Variants in HLCS observed in about 807,000 individuals in gnomAD.
HLCS encodes the protein biotin--protein ligase.
In HLCS, 53 loss-of-function variants were observed where a neutral mutation model predicts 75.0. The ratio of observed to expected loss-of-function variants is 0.71; its 90% CI spans 0.57 to 0.89. The LOEUF (loss-of-function observed/expected upper bound fraction) is 0.89, where lower values mean the gene tolerates loss of function less well. Among genes scored for constraint, HLCS ranks in the 40% least tolerant of loss-of-function variants. HLCS has a pLI of 0.00. For missense variants in HLCS, 966 were observed against 1,074.0 expected (o/e 0.90, Z 1.41); for synonymous variants, 431 against 428.6 (o/e 1.01, Z -0.07).
chr21:36,911,182 C>A (rs901922316), intron 5 of HLCS, among the ~76,000 whole-genome samples: 4 of 152,208 alleles, frequency 2.6e-5, no homozygotes, highest in Non-Finnish European at 5.9e-5. Context: ...AGTAGCCACC[C>A]TCATCCCGTG....
chr21:36,931,680 T>C lies in HLCS; in HGVS notation c.1438-1247A>G, dbSNP rs796338316. Among the ~76,000 whole-genome samples, 59 of 151,534 alleles carry C rather than the reference T, an allele frequency of 3.9e-4. 1 individual carries two copies. The highest frequency in any genetic ancestry group is 1.4e-3 in the African/African-American group (59 of 41,292). On this transcript the variant is annotated intron_variant, in intron 4 of 10. Coordinates refer to ENST00000674895, the MANE Select transcript of HLCS (RefSeq NM_001352514.2). ...GGGAGGATCCCTTGAACCCAGGAGGTTGAGGCTGCAGTCAGCCATGATCGT... is the reference window on the plus strand; with the variant it reads ...GGGAGGATCCCTTGAACCCAGGAGGCTGAGGCTGCAGTCAGCCATGATCGT...
At chr21:36,833,243 G>C (rs2062277939) in intron 6 of HLCS, among the ~76,000 whole-genome samples, 1 of 150,176 alleles carries the variant, frequency 6.7e-6, no homozygotes, top group South Asian at 2.1e-4. Flanking sequence ...GCCCAGGCTG[G>C]TTCTTGAACT....
intron 6 of HLCS, among the ~76,000 whole-genome samples, chr21:36,871,828 GAAC>G (rs2063779972): frequency 6.6e-6 from 1 of 152,108 alleles, no homozygotes. Context: ...CAAAAGATTT[GAAC>G]AACATTTCAC....
rs1042909104 is a variant in HLCS at position 36,765,134 on chromosome 21, C to G, written c.1999G>C (p.Ala667Pro). Residue 667 changes from alanine to proline, a missense_variant, in exon 8 of 11, where the codon GCT (alanine) becomes CCT (proline). Physicochemically the swap from Ala to Pro is conservative, Grantham distance 27. Transcript: ENST00000674895. ...GNVWLSPVGC[A>P]LSTLLISIPL... ...ATGGAGATGAGCAGAGTAGAAAGAG[C>G]ACATCCCACAGGGCTCAGCCACACA... 1.2e-6 allele frequency: 2 copies of G among 1,614,152 alleles called. No homozygotes were observed. Among genetic ancestry groups the G allele is most frequent in the Non-Finnish European group, 1.7e-6 (2 of 1,180,006 alleles).
At position 36,759,871 on chromosome 21, in the gene HLCS, C is replaced by T. The variant is rs2073420; in HGVS notation, c.2122-30G>A. On this transcript the variant is annotated intron_variant, in intron 8 of 10. Coordinates refer to ENST00000674895, the MANE Select transcript of HLCS (RefSeq NM_001352514.2). ...AGGGAAATCTGCACATTAATTAAGC[C>T]GTCACAGGACACAAGGGGCCCAGGC... 0.46 allele frequency: 635,118 copies of T among 1,394,790 alleles called. 147,121 individuals carry two copies. Among genetic ancestry groups the T allele is most frequent in the South Asian group, 0.55 (47,566 of 86,790 alleles). The allele number at this position is 1,394,790 out of a possible 1,614,324, so 86.4% of individuals were successfully genotyped here.
At chr21:36,756,010 C>T (rs889211981) in intron 10 of HLCS, among the ~76,000 whole-genome samples, 4 of 152,174 alleles carry the variant, frequency 2.6e-5, no homozygotes, top group African/African-American at 9.7e-5. Flanking sequence ...CCATCGCATC[C>T]CACCAGGAGG....
chr21:36,880,290 A>G (rs2146267317), intron 6 of HLCS, among the ~76,000 whole-genome samples: 2 of 152,326 alleles, frequency 1.3e-5, no homozygotes, highest in East Asian at 1.9e-4. Context: ...CATATTTTGC[A>G]ACAGAAAGAA....
chr21:36,877,446 C>T (rs1243740262), intron 6 of HLCS, among the ~76,000 whole-genome samples: 1 of 151,968 alleles, frequency 6.6e-6, no homozygotes, highest in Non-Finnish European at 1.5e-5. Flanking sequence ...CAATGTACAT[C>T]CTTACCTTTT....
chr21:36,969,125 A>G (rs190570683), upstream of HLCS, among the ~76,000 whole-genome samples: 7 of 152,324 alleles, frequency 4.6e-5, no homozygotes, highest in East Asian at 1.2e-3. Flanking sequence ...GGAGGAAGAT[A>G]TGAAGGGCAC....
At chr21:36,860,144 C>G (rs3787765) in intron 6 of HLCS, among the ~76,000 whole-genome samples, 3,302 of 152,294 alleles carry the variant, frequency 0.022, 85 homozygotes, top group African/African-American at 0.058. Flanking sequence ...TGAGCACCTG[C>G]TTTGGTGTGT....
intron 5 of HLCS, among the ~76,000 whole-genome samples, chr21:36,922,759 G>T (rs147184614): frequency 6.6e-6 from 1 of 152,092 alleles, no homozygotes; most frequent in Non-Finnish European, 1.5e-5. Flanking sequence ...GGGAAATGGG[G>T]GATTAAACAC....
intron 6 of HLCS, among the ~76,000 whole-genome samples, chr21:36,781,414 T>C (rs1027992558): frequency 1.3e-5 from 2 of 152,192 alleles, no homozygotes; most frequent in African/African-American, 4.8e-5. Flanking sequence ...CTTTTGTGTC[T>C]TTCAGATTGT....
At chr21:36,869,695 C>T (rs912146466) in intron 6 of HLCS, among the ~76,000 whole-genome samples, 1 of 152,086 alleles carries the variant, frequency 6.6e-6, no homozygotes, top group African/African-American at 2.4e-5. Context: ...TTAAATTATC[C>T]ACCCTAAAAT....
intron 5 of HLCS, among the ~76,000 whole-genome samples, chr21:36,906,351 G>C (rs10460714): frequency 0.041 from 6,226 of 151,862 alleles, 247 homozygotes; most frequent in East Asian, 0.21. Context: ...AACATGGAAA[G>C]ACCTCATGTC....
intron 4 of HLCS, among the ~76,000 whole-genome samples, chr21:36,933,238 A>C (rs1434580463): frequency 2.0e-5 from 3 of 152,194 alleles, no homozygotes; most frequent in African/African-American, 7.2e-5. Context: ...GATGCCAATC[A>C]TGGGACAACA....
intron 6 of HLCS, among the ~76,000 whole-genome samples, chr21:36,827,802 T>C (rs1270400239): frequency 1.4e-5 from 2 of 147,092 alleles, no homozygotes; most frequent in Non-Finnish European, 3.0e-5. Context: ...TAAGTATTTT[T>C]CTTTTTCTTT....
At chr21:36,954,882 T>G (rs780041619) in intron 2 of HLCS, among the ~76,000 whole-genome samples, 1 of 151,768 alleles carries the variant, frequency 6.6e-6, no homozygotes, top group Non-Finnish European at 1.5e-5. Flanking sequence ...GGCCACCATG[T>G]GAAACCTCAT....
intron 1 of HLCS, among the ~76,000 whole-genome samples, chr21:36,984,709 G>C (rs142769641): frequency 1.3e-5 from 2 of 152,202 alleles, no homozygotes; most frequent in African/African-American, 4.8e-5. Context: ...CAATGTACAT[G>C]ATCAGGGGTG....
intron 6 of HLCS, among the ~76,000 whole-genome samples, chr21:36,787,334 A>G (rs1227251995): frequency 6.6e-6 from 1 of 152,016 alleles, no homozygotes; most frequent in Non-Finnish European, 1.5e-5. Flanking sequence ...CCTAACCACA[A>G]TGGGCTGCTG....
Sources: allele counts gnomAD v4.1 joint callset (sites outside exome capture counted in the v4.1 genomes callset), GRCh38; gene constraint gnomAD v4.1.1; transcripts MANE v1.5; gene names NCBI Gene and HGNC (gene_info 2026-07-23, HGNC 2026-07-21).